Variants in DZIP1 observed in about 807,000 individuals in gnomAD.
DZIP1 encodes the protein cilium assembly protein DZIP1.
Under a neutral mutation model 107.6 loss-of-function variants are expected in DZIP1, and 97 were observed. The observed-to-expected ratio is 0.90, with a 90% CI of 0.77 to 1.07. DZIP1 has a LOEUF of 1.07. DZIP1 is among the 50% of genes least tolerant of loss of function. The pLI, the probability that DZIP1 is intolerant of heterozygous loss-of-function variation, is 0.00. For synonymous variants in DZIP1, 390 were observed against 386.4 expected, an observed-to-expected ratio of 1.01 and a Z score of -0.11; for missense variants, 1,035 against 1,063.6, an observed-to-expected ratio of 0.97 and a Z score of 0.37.
Position 95,582,181 on chromosome 13 carries a change from A to G in DZIP1, c.*53T>C. 3.2e-6 allele frequency: 5 copies of G among 1,559,118 alleles called. No homozygotes were observed. Among genetic ancestry groups the G allele is most frequent in the Non-Finnish European group, 4.4e-6 (5 of 1,130,402 alleles). On this transcript the variant is annotated 3_prime_UTR_variant, in exon 23 of 23. Coordinates refer to ENST00000376829, the MANE Select transcript of DZIP1 (RefSeq NM_198968.4). ...AATCATGGAGGCAAATTACTGAAAC[A>G]CTGTGATACTGAAATACTGCTGGCT...
chr13:95,604,925 A>G (rs1448865556), intron 14 of DZIP1, among the ~76,000 whole-genome samples: 1 of 152,240 alleles, frequency 6.6e-6, no homozygotes, highest in African/African-American at 2.4e-5. Context: ...ATTTATGTCC[A>G]GTGTGCTTTT....
chr13:95,600,594 A>AGAT (rs1386296956), intron 14 of DZIP1, among the ~76,000 whole-genome samples: 3 of 130,196 alleles, frequency 2.3e-5, no homozygotes, highest in African/African-American at 8.7e-5. Flanking sequence ...GATAGATGAT[A>AGAT]GATAGATAGA....
intron 14 of DZIP1, among the ~76,000 whole-genome samples, chr13:95,600,478 T>C (rs1042999183): frequency 6.6e-6 from 1 of 152,094 alleles, no homozygotes; most frequent in Non-Finnish European, 1.5e-5. Flanking sequence ...TCAGATTTAA[T>C]GCTTCTTACT....
At chr13:95,619,775 C>T in intron 10 of DZIP1, 110 bp downstream of exon 10, 2 of 1,032,996 alleles carry the variant, frequency 1.9e-6, no homozygotes, top group Middle Eastern at 2.1e-4. Flanking sequence ...TTTTGCTACA[C>T]ATTTCTCCCC....
At chr13:95,628,048 CTT>C (rs200194599) in intron 7 of DZIP1, among the ~76,000 whole-genome samples, 3 of 148,150 alleles carry the variant, frequency 2.0e-5, no homozygotes, top group Non-Finnish European at 4.5e-5. Flanking sequence ...TCACACATTA[CTT>C]TTTTTTTTTC....
intron 14 of DZIP1, among the ~76,000 whole-genome samples, chr13:95,602,326 A>C (rs903264132): frequency 1.3e-5 from 2 of 152,154 alleles, no homozygotes; most frequent in African/African-American, 4.8e-5. Flanking sequence ...TCAAATGGCC[A>C]AATGTCAGCT....
At chr13:95,600,586 TAGATGATA>T (rs778039069) in intron 14 of DZIP1, among the ~76,000 whole-genome samples, 446 of 146,532 alleles carry the variant, frequency 3.0e-3, no homozygotes, top group Non-Finnish European at 4.6e-3. Context: ...GATAGATAGA[TAGATGATA>T]GATAGATAGA....
intron 14 of DZIP1, among the ~76,000 whole-genome samples, chr13:95,602,742 T>C (rs1002209490): frequency 2.0e-5 from 3 of 152,232 alleles, no homozygotes; most frequent in African/African-American, 7.2e-5. Context: ...CATGGTCACC[T>C]GACAGGGATC....
chr13:95,631,498 A>C (rs912499908), intron 6 of DZIP1, among the ~76,000 whole-genome samples: 4 of 151,836 alleles, frequency 2.6e-5, no homozygotes, highest in South Asian at 2.1e-4. Flanking sequence ...TAAAAATAAG[A>C]ATTTCTGTGG....
intron 6 of DZIP1, chr13:95,630,785 A>T (rs2139369310): frequency 7.8e-7 from 1 of 1,277,028 alleles, no homozygotes; most frequent in South Asian, 1.2e-5. Context: ...ATGGAAACCA[A>T]AGTAGAAAGT....
intron 5 of DZIP1, among the ~76,000 whole-genome samples, chr13:95,635,424 C>T (rs1167612213): frequency 8.5e-5 from 13 of 152,142 alleles, no homozygotes; most frequent in Admixed American, 7.2e-4. Flanking sequence ...CACGAACTCT[C>T]AACCTCAAAT....
intron 14 of DZIP1, among the ~76,000 whole-genome samples, chr13:95,599,924 A>C (rs912834909): frequency 2.0e-4 from 31 of 152,228 alleles, no homozygotes; most frequent in African/African-American, 7.5e-4. Context: ...AGAGGTCAGC[A>C]GCAAGAATGA....
chr13:95,620,191 C>T (rs1875654789), intron 9 of DZIP1, among the ~76,000 whole-genome samples: 1 of 152,102 alleles, frequency 6.6e-6, no homozygotes, highest in Admixed American at 6.6e-5. Context: ...AGTGAGTTCT[C>T]ACAAGATCTG....
chr13:95,599,857 C>T (rs1467270618), intron 14 of DZIP1, among the ~76,000 whole-genome samples: 1 of 152,190 alleles, frequency 6.6e-6, no homozygotes, highest in African/African-American at 2.4e-5. Flanking sequence ...GTTCTGGGTG[C>T]TAACCCCACG....
At chr13:95,610,497 G>A (rs1464182798) in intron 12 of DZIP1, among the ~76,000 whole-genome samples, 2 of 151,692 alleles carry the variant, frequency 1.3e-5, no homozygotes, top group Non-Finnish European at 1.5e-5. Context: ...TTTAGAGAAG[G>A]GGGACTCGCT....
chr13:95,628,043 C>T (rs1356203464), intron 7 of DZIP1, among the ~76,000 whole-genome samples: 1 of 150,496 alleles, frequency 6.6e-6, no homozygotes, highest in Non-Finnish European at 1.5e-5. Flanking sequence ...AAAGGTCACA[C>T]ATTACTTTTT....
intron 14 of DZIP1, among the ~76,000 whole-genome samples, chr13:95,605,737 C>T (rs946512972): frequency 2.3e-4 from 35 of 152,224 alleles, no homozygotes; most frequent in African/African-American, 8.0e-4. Flanking sequence ...ATAATCAAGA[C>T]ACTACCCAAA....
At chr13:95,597,064 C>T (rs1486896800) in intron 15 of DZIP1, among the ~76,000 whole-genome samples, 1 of 152,182 alleles carries the variant, frequency 6.6e-6, no homozygotes, top group African/African-American at 2.4e-5. Flanking sequence ...CTTTTCCAGT[C>T]CAGCCCCCTA....
At chr13:95,642,656 T>C (rs919069110) in intron 3 of DZIP1, among the ~76,000 whole-genome samples, 3 of 152,214 alleles carry the variant, frequency 2.0e-5, no homozygotes, top group African/African-American at 7.2e-5. Context: ...GAAATGTTTT[T>C]CATTTTGATT....
Sources: gnomAD v4.1 joint callset for allele counts (sites outside exome capture counted in the v4.1 genomes callset) on GRCh38, gnomAD v4.1.1 for gene constraint, MANE v1.5 for transcripts, NCBI Gene and HGNC (gene_info 2026-07-23, HGNC 2026-07-21) for gene names.